Variants in UGT1A5 observed in about 807,000 individuals in gnomAD.
UGT1A5 encodes the protein UDP-glucuronosyltransferase 1A5.
In UGT1A5, 29 loss-of-function variants were observed where a neutral mutation model predicts 40.3. That is an observed-to-expected ratio of 0.72 (90% CI 0.54 to 0.98). The LOEUF (loss-of-function observed/expected upper bound fraction) is 0.98, where lower values mean the gene tolerates loss of function less well. Ranked by LOEUF, UGT1A5 falls within the 50% of genes least tolerant of loss-of-function variation. The pLI, the probability that UGT1A5 is intolerant of heterozygous loss-of-function variation, is 0.00. For missense variants in UGT1A5, 678 were observed against 677.9 expected (o/e 1.00, Z 0.00); for synonymous variants, 257 against 262.5 (o/e 0.98, Z 0.20).
chr2:233,755,042 G>GCCGCCCT (rs756876543), intron 1 of UGT1A5: 2 of 1,323,886 alleles, frequency 1.5e-6, no homozygotes, highest in African/African-American at 3.0e-5. Context: ...CGCCTGCGCA[G>GCCGCCCT]CCGCCCTCCG....
chr2:233,745,013 A>G (rs1344188212), intron 1 of UGT1A5, among the ~76,000 whole-genome samples: 1 of 151,876 alleles, frequency 6.6e-6, no homozygotes, highest in Non-Finnish European at 1.5e-5. Context: ...TAATAAATGT[A>G]AATGCTATGT....
chr2:233,732,984 G>A lies in UGT1A5; in HGVS notation c.867+19126G>A, dbSNP rs112925257. On this transcript the variant is annotated intron_variant, in intron 1 of 4. Coordinates refer to ENST00000373414, the MANE Select transcript of UGT1A5 (RefSeq NM_019078.2). ...ATTTGTTTGTGTCTTCTTTTATTTCGTTGAGCAGTGGTTTGTAGTTCTCCT... is the reference window on the plus strand; with the variant it reads ...ATTTGTTTGTGTCTTCTTTTATTTCATTGAGCAGTGGTTTGTAGTTCTCCT... 1.2e-3 allele frequency among the ~76,000 whole-genome samples: 181 copies of A among 152,020 alleles called. 1 individual carries two copies. The highest frequency in any genetic ancestry group is 5.5e-3 in the Admixed American group (84 of 15,268).
At chr2:233,729,450 G>A (rs1394250627) in intron 1 of UGT1A5, 1 of 1,614,082 alleles carries the variant, frequency 6.2e-7, no homozygotes, top group Admixed American at 1.7e-5. Flanking sequence ...ATTTTCTGAA[G>A]AAATTTTTCA....
intron 1 of UGT1A5, chr2:233,729,416 CTCAACTGT>C (rs2077854535): frequency 6.2e-7 from 1 of 1,613,510 alleles, no homozygotes. Context: ...CTGGGCCACA[CTCAACTGT>C]ACTTTGAAAC....
chr2:233,737,160 G>A (rs1247160772), intron 1 of UGT1A5, among the ~76,000 whole-genome samples: 1 of 152,224 alleles, frequency 6.6e-6, no homozygotes, highest in Non-Finnish European at 1.5e-5. Flanking sequence ...CCTGCCCACA[G>A]AGGTGGAGTC....
Position 233,772,368 on chromosome 2 carries a change from G to A in UGT1A5, c.1414G>A (p.Ala472Thr), listed in dbSNP as rs775532505. Residue 472 changes from alanine to threonine, a missense_variant, in exon 5 of 5, where the codon GCG (alanine) becomes ACG (threonine). Physicochemically the swap from Ala to Thr is moderately conservative, Grantham distance 58. Transcript: ENST00000373414. ...GGAGTTTGTGATGAGGCACAAGGGC[G>A]CGCCACACCTGCGCCCCGCAGCCCA... ...WVEFVMRHKG[A>T]PHLRPAAHDL... 1.1e-4 allele frequency: 174 copies of A among 1,614,102 alleles called. No individual in the cohort carries two copies. In the Middle Eastern group the frequency reaches 1.6e-3, roughly 15 times the overall value.
intron 1 of UGT1A5, chr2:233,743,763 C>A (rs1415597563): frequency 7.3e-7 from 1 of 1,367,254 alleles, no homozygotes; most frequent in African/African-American, 1.5e-5. Flanking sequence ...ACCTCGTAGG[C>A]CTCGGCCACC....
intron 1 of UGT1A5, among the ~76,000 whole-genome samples, chr2:233,764,866 A>AAAAGGGAGG (rs45477695): frequency 0.13 from 19,804 of 152,100 alleles, 1,413 homozygotes; most frequent in East Asian, 0.2. Context: ...CTTTTAGATG[A>AAAAGGGAGG]GCCCAAGGGA....
chr2:233,767,728 C>A, intron 2 of UGT1A5, 121 bp from the exon 3 acceptor site: 1 of 1,556,454 alleles, frequency 6.4e-7, no homozygotes, highest in Non-Finnish European at 8.7e-7. Context: ...AGTTACTGAT[C>A]CTCCCACTCT....
intron 1 of UGT1A5, chr2:233,754,648 T>C (rs1008814109): frequency 4.4e-6 from 2 of 451,966 alleles, no homozygotes; most frequent in African/African-American, 2.0e-5. Context: ...CCATTCTCAA[T>C]GATTCTCTTG....
chr2:233,743,311 AT>A, intron 1 of UGT1A5: 5 of 650,736 alleles, frequency 7.7e-6, no homozygotes, highest in South Asian at 3.0e-5. Context: ...CTTGGTGGTG[AT>A]TTTTTTACCA....
At chr2:233,745,298 A>G (rs1339213768) in intron 1 of UGT1A5, among the ~76,000 whole-genome samples, 1 of 151,884 alleles carries the variant, frequency 6.6e-6, no homozygotes, top group East Asian at 1.9e-4. Flanking sequence ...TAAACGTGGG[A>G]TGCAGTGATT....
At position 233,725,210 on chromosome 2, in the gene UGT1A5, AGAGGCAGAG is replaced by A. The variant is rs55801126; in HGVS notation, c.867+11363_867+11371del. The stretch of plus-strand genomic sequence containing the variant: ...CAGAGGCAGAGGCAGAGGCAGAGGC[AGAGGCAGAG>A]GAGGCAGAGGCAGAGGAGGCAGAGG... On this transcript the variant is annotated intron_variant, in intron 1 of 4. Transcript: ENST00000373414. 6.2e-4 allele frequency among the ~76,000 whole-genome samples: 55 copies of A among 88,388 alleles called. 3 individuals are homozygous for A. The highest frequency in any genetic ancestry group is 1.8e-3 in the South Asian group (4 of 2,232). 58.0% of individuals were successfully genotyped at this position (88,388 alleles called of 152,430 possible).
chr2:233,721,291 G>C (rs2076934131), intron 1 of UGT1A5, among the ~76,000 whole-genome samples: 1 of 152,084 alleles, frequency 6.6e-6, no homozygotes, highest in East Asian at 1.9e-4. Context: ...AATTAGGAAG[G>C]CATTTGAATA....
rs1348146797 is a variant in UGT1A5, at chr2:233,724,071, C to G, written c.867+10213C>G. Among the ~76,000 whole-genome samples the G allele has an allele frequency of 1.6e-4, 15 of 96,248 alleles. 1 individual carries two copies. Among genetic ancestry groups the G allele is most frequent in the African/African-American group, 2.3e-4 (4 of 17,278 alleles). 63.1% of individuals were successfully genotyped at this position (96,248 alleles called of 152,430 possible). A position where few individuals can be genotyped will look rare whatever the true frequency, so the allele number is the denominator to read the frequency against. On this transcript the variant is annotated intron_variant, in intron 1 of 4. Coordinates refer to ENST00000373414, the MANE Select transcript of UGT1A5 (RefSeq NM_019078.2). ...CACACCTCCCAGACGGGGTGGTGGCCGGGCAGAGGGGCTCCTCACTTCCCA... is the reference window on the plus strand; with the variant it reads ...CACACCTCCCAGACGGGGTGGTGGCGGGGCAGAGGGGCTCCTCACTTCCCA...
chr2:233,718,961 C>T, intron 1 of UGT1A5: 1 of 1,614,218 alleles, frequency 6.2e-7, no homozygotes, highest in South Asian at 1.1e-5. Context: ...TGCGGGAGGC[C>T]TTGCGGGAGC....
intron 1 of UGT1A5, among the ~76,000 whole-genome samples, chr2:233,717,018 C>T (rs1456974682): frequency 6.6e-6 from 1 of 152,192 alleles, no homozygotes; most frequent in Admixed American, 6.5e-5. Context: ...TCTGAAGGCA[C>T]CACCATCTTC....
intron 1 of UGT1A5, chr2:233,761,038 G>A: frequency 6.2e-7 from 1 of 1,614,174 alleles, no homozygotes; most frequent in Non-Finnish European, 8.5e-7. Flanking sequence ...ATTGAGCTCT[G>A]CATCTGTCTG....
intron 1 of UGT1A5, among the ~76,000 whole-genome samples, chr2:233,765,317 T>G (rs984736516): frequency 1.3e-5 from 2 of 152,240 alleles, no homozygotes; most frequent in Non-Finnish European, 2.9e-5. Flanking sequence ...ATTTGTTTAT[T>G]GCAGCACTAT....
Sources: gnomAD v4.1 joint callset for allele counts (sites outside exome capture counted in the v4.1 genomes callset) on GRCh38, gnomAD v4.1.1 for gene constraint, MANE v1.5 for transcripts, NCBI Gene and HGNC (gene_info 2026-07-23, HGNC 2026-07-21) for gene names.